THRB: variants seen among roughly 807,000 people sequenced by gnomAD.
The protein encoded by THRB is nuclear receptor subfamily 1 group A member 2.
In THRB, 12 loss-of-function variants were observed where a neutral mutation model predicts 47.8. The observed-to-expected ratio is 0.25, with a 90% CI of 0.16 to 0.41. The LOEUF (loss-of-function observed/expected upper bound fraction) is 0.41, where lower values mean the gene tolerates loss of function less well. Among genes scored for constraint, THRB ranks in the 10% least tolerant of loss-of-function variants. The pLI, the probability that THRB is intolerant of heterozygous loss-of-function variation, is 1.00. For synonymous variants in THRB, 218 were observed against 212.2 expected (o/e 1.03, Z -0.24); for missense variants, 348 against 589.2 (o/e 0.59, Z 4.24).
At chr3:24,172,344 A>G (rs1224483667) in intron 5 of THRB, among the ~76,000 whole-genome samples, 2 of 152,128 alleles carry the variant, frequency 1.3e-5, no homozygotes, top group Non-Finnish European at 2.9e-5. Flanking sequence ...GGCTGGACAC[A>G]TGGAAATGCA....
intron 1 of THRB, among the ~76,000 whole-genome samples, chr3:24,464,001 C>T (rs975074877): frequency 2.6e-5 from 4 of 152,164 alleles, no homozygotes; most frequent in African/African-American, 7.2e-5. Flanking sequence ...AATCCCAGCA[C>T]TTTGGGAGGC....
chr3:24,293,227 T>C (rs954024012), intron 3 of THRB, among the ~76,000 whole-genome samples: 1 of 152,222 alleles, frequency 6.6e-6, no homozygotes, highest in Admixed American at 6.5e-5. Flanking sequence ...TTGAGACGTG[T>C]TGATCATTAA....
intron 4 of THRB, among the ~76,000 whole-genome samples, chr3:24,221,809 G>C (rs907288458): frequency 1.3e-5 from 2 of 152,256 alleles, no homozygotes; most frequent in African/African-American, 2.4e-5. Context: ...GAAGGTTTTC[G>C]CTAGTCTGTC....
intron 3 of THRB, among the ~76,000 whole-genome samples, chr3:24,288,698 A>G (rs2055598288): frequency 1.3e-5 from 2 of 152,214 alleles, no homozygotes; most frequent in African/African-American, 4.8e-5. Flanking sequence ...CAAGTACACT[A>G]AAGCAGTGTT....
At chr3:24,288,399 A>T (rs2055556844) in intron 3 of THRB, among the ~76,000 whole-genome samples, 2 of 152,218 alleles carry the variant, frequency 1.3e-5, no homozygotes, top group African/African-American at 2.4e-5. Flanking sequence ...TTCTCAGCTG[A>T]GAGTTGTGCT....
intron 4 of THRB, among the ~76,000 whole-genome samples, chr3:24,197,372 G>A (rs911244455): frequency 3.9e-5 from 6 of 152,290 alleles, no homozygotes; most frequent in Admixed American, 2.0e-4. Context: ...TTCAAATTCT[G>A]ACTCTGCCAT....
In THRB at chr3:24,205,085, T is replaced by C. The variant is rs2045147089; in HGVS notation, c.23-14751A>G. 2.0e-5 allele frequency among the ~76,000 whole-genome samples: 3 copies of C among 152,306 alleles called. No individual in the cohort carries two copies. The South Asian group carries it at 6.2e-4, about 32-fold the overall frequency. On this transcript the variant is annotated intron_variant, in intron 4 of 10. Transcript: ENST00000646209. ...CCAAGCTGGAAAACACTCTGCAGCA[T>C]ATTATCCAGGAGAACTTCCCCAACC...
chr3:24,467,981 G>A (rs1048342344), intron 1 of THRB, among the ~76,000 whole-genome samples: 13 of 152,162 alleles, frequency 8.5e-5, no homozygotes, highest in Non-Finnish European at 1.6e-4. Flanking sequence ...TCTACATTGC[G>A]AATCTGTTGT....
intron 2 of THRB, among the ~76,000 whole-genome samples, chr3:24,299,802 T>TTTTTTTG: frequency 7.5e-6 from 1 of 132,998 alleles, no homozygotes; most frequent in African/African-American, 2.9e-5. Flanking sequence ...TTTTTTTTTT[T>TTTTTTTG]AGCAAACATA....
chr3:24,155,492 A>C (rs1472351324), intron 5 of THRB, among the ~76,000 whole-genome samples: 1 of 152,222 alleles, frequency 6.6e-6, no homozygotes, highest in African/African-American at 2.4e-5. Context: ...TTCTTCATTA[A>C]ATAACTTCCA....
chr3:24,143,467 A>G (rs750866350), intron 8 of THRB, 34 bp downstream of exon 8: 5 of 1,602,392 alleles, frequency 3.1e-6, no homozygotes, highest in Non-Finnish European at 4.3e-6. Context: ...ACACTGGCAT[A>G]TAAGTGAAAC....
intron 8 of THRB, among the ~76,000 whole-genome samples, chr3:24,134,451 C>T (rs2034344055): frequency 6.6e-6 from 1 of 152,158 alleles, no homozygotes; most frequent in Non-Finnish European, 1.5e-5. Flanking sequence ...GAGCCAGCCA[C>T]TTTGCACACT....
At chr3:24,128,617 T>C (rs939473735) in intron 9 of THRB, among the ~76,000 whole-genome samples, 2 of 152,212 alleles carry the variant, frequency 1.3e-5, no homozygotes, top group Admixed American at 6.5e-5. Context: ...TATTAGTAAA[T>C]GGGTGTGTTT....
intron 3 of THRB, among the ~76,000 whole-genome samples, chr3:24,249,621 T>C (rs114663274): frequency 0.015 from 2,333 of 152,276 alleles, 63 homozygotes; most frequent in African/African-American, 0.052. Flanking sequence ...ACCTTCTCAG[T>C]TGGATTCATA....
chr3:24,375,480 G>T (rs1349482376), intron 1 of THRB, among the ~76,000 whole-genome samples: 1 of 141,154 alleles, frequency 7.1e-6, no homozygotes, highest in Admixed American at 7.2e-5. Flanking sequence ...ATATATTATA[G>T]TTAGACATAT....
At chr3:24,368,161 A>G (rs1178518631) in intron 1 of THRB, among the ~76,000 whole-genome samples, 1 of 152,114 alleles carries the variant, frequency 6.6e-6, no homozygotes, top group Non-Finnish European at 1.5e-5. Flanking sequence ...AAGGTAACTA[A>G]AAGAATTATA....
At chr3:24,185,137 ATTACT>A (rs993199631) in intron 5 of THRB, among the ~76,000 whole-genome samples, 4 of 152,348 alleles carry the variant, frequency 2.6e-5, no homozygotes, top group East Asian at 1.9e-4. Flanking sequence ...TGTTTAAAAA[ATTACT>A]TTAACTTGTC....
rs1360466001 is a variant in THRB, at chr3:24,444,675, C to T, written c.-261+49977G>A. Reference sequence around the variant, plus strand: ...CCAGAGTGCAATGGCATGATCTCGGCTCACTGCAACCTTGTGCCTTCCGGG... The same window carrying T: ...CCAGAGTGCAATGGCATGATCTCGGTTCACTGCAACCTTGTGCCTTCCGGG... On this transcript the variant is annotated intron_variant, in intron 1 of 10. Transcript: ENST00000646209. Among the ~76,000 whole-genome samples the T allele has an allele frequency of 3.9e-5, 6 of 152,282 alleles. No individual in the cohort carries two copies. The East Asian group carries it at 7.7e-4, about 20-fold the overall frequency.
chr3:24,484,710 T>C, intron 1 of THRB, among the ~76,000 whole-genome samples: 1 of 152,178 alleles, frequency 6.6e-6, no homozygotes, highest in Non-Finnish European at 1.5e-5. Flanking sequence ...ATTGTGTATG[T>C]CTGTTTTTGT....
Sources: gnomAD v4.1 joint callset for allele counts (sites outside exome capture counted in the v4.1 genomes callset) on GRCh38, gnomAD v4.1.1 for gene constraint, MANE v1.5 for transcripts, NCBI Gene and HGNC (gene_info 2026-07-23, HGNC 2026-07-21) for gene names.